The following GALNTL6 variants were observed in gnomAD, a reference collection of about 807,000 sequenced individuals.
GALNTL6 encodes the protein polypeptide N-acetylgalactosaminyltransferase-like 6.
In GALNTL6, 46 loss-of-function variants were observed where a neutral mutation model predicts 73.7. The ratio of observed to expected loss-of-function variants is 0.62; its 90% CI spans 0.49 to 0.80. The LOEUF is 0.80. Among genes scored for constraint, GALNTL6 ranks in the 30% least tolerant of loss-of-function variants. GALNTL6 has a pLI of 0.00. For missense variants in GALNTL6, 604 were observed against 755.0 expected, an observed-to-expected ratio of 0.80 and a Z score of 2.34; for synonymous variants, 259 against 263.7, an observed-to-expected ratio of 0.98 and a Z score of 0.17.
chr4:172,729,956 T>C (rs1409973615), intron 5 of GALNTL6, among the ~76,000 whole-genome samples: 1 of 152,138 alleles, frequency 6.6e-6, no homozygotes, highest in African/African-American at 2.4e-5. Flanking sequence ...CTTCTTTGGT[T>C]AGATTGGTTC....
chr4:172,557,986 A>G (rs6846178), intron 5 of GALNTL6, among the ~76,000 whole-genome samples: 6,458 of 152,252 alleles, frequency 0.042, 438 homozygotes, highest in African/African-American at 0.14. Context: ...CAAACTGGAA[A>G]CAACCCAAAT....
chr4:172,619,111 C>CT (rs546136225), intron 5 of GALNTL6, among the ~76,000 whole-genome samples: 239 of 151,954 alleles, frequency 1.6e-3, no homozygotes, highest in African/African-American at 3.8e-3. Context: ...GGAGAAGAGT[C>CT]TTTTTTTTAT....
chr4:172,085,914 T>A (rs1259095911), intron 2 of GALNTL6, among the ~76,000 whole-genome samples: 1 of 152,162 alleles, frequency 6.6e-6, no homozygotes, highest in Non-Finnish European at 1.5e-5. Flanking sequence ...CACTCAAATA[T>A]CTAGATTAGT....
At chr4:171,880,129 C>T (rs1736397582) in intron 2 of GALNTL6, among the ~76,000 whole-genome samples, 3 of 152,146 alleles carry the variant, frequency 2.0e-5, no homozygotes, top group African/African-American at 7.2e-5. Context: ...TTCCATGTTT[C>T]ATTTATTTTA....
At chr4:172,800,337 A>G (rs1391667853) in intron 5 of GALNTL6, among the ~76,000 whole-genome samples, 3 of 152,148 alleles carry the variant, frequency 2.0e-5, no homozygotes, top group Non-Finnish European at 4.4e-5. Flanking sequence ...TAAGTTAGAG[A>G]TTTGTTCTCC....
chr4:171,865,805 C>T (rs114680417), intron 2 of GALNTL6, among the ~76,000 whole-genome samples: 55 of 152,266 alleles, frequency 3.6e-4, no homozygotes, highest in African/African-American at 1.3e-3. Flanking sequence ...AATGAATGCC[C>T]TTGCTGAAAT....
chr4:172,592,654 A>ACCTG (rs1184880402), intron 5 of GALNTL6, among the ~76,000 whole-genome samples: 1 of 136,848 alleles, frequency 7.3e-6, no homozygotes, highest in Non-Finnish European at 1.6e-5. Flanking sequence ...TCAAATCTAT[A>ACCTG]TCTGTCTGTC....
chr4:172,101,934 G>C (rs888378336), intron 2 of GALNTL6, among the ~76,000 whole-genome samples: 2 of 151,916 alleles, frequency 1.3e-5, no homozygotes, highest in African/African-American at 4.8e-5. Flanking sequence ...AAAAAGAATA[G>C]ACAATACTGA....
intron 5 of GALNTL6, among the ~76,000 whole-genome samples, chr4:172,677,146 AT>A (rs1292375727): frequency 1.3e-5 from 2 of 152,190 alleles, no homozygotes; most frequent in Non-Finnish European, 1.5e-5. Flanking sequence ...CTAAAAAAAA[AT>A]AAACCTCCAA....
intron 3 of GALNTL6, among the ~76,000 whole-genome samples, chr4:172,242,105 T>G (rs1414698898): frequency 6.6e-6 from 1 of 152,182 alleles, no homozygotes; most frequent in Non-Finnish European, 1.5e-5. Flanking sequence ...GTATAATTTT[T>G]TTTTAAGTAA....
At chr4:172,959,654 T>A (rs1749939076) in intron 10 of GALNTL6, among the ~76,000 whole-genome samples, 1 of 151,706 alleles carries the variant, frequency 6.6e-6, no homozygotes, top group Admixed American at 6.6e-5. Context: ...GCTGAGAAGA[T>A]CTGGGAAGGA....
intron 2 of GALNTL6, among the ~76,000 whole-genome samples, chr4:171,936,686 A>C (rs1738358807): frequency 6.6e-6 from 1 of 152,152 alleles, no homozygotes; most frequent in Non-Finnish European, 1.5e-5. Flanking sequence ...ATGACACAAG[A>C]TATTTAAAAA....
At chr4:172,026,646 T>C (rs922389528) in intron 2 of GALNTL6, among the ~76,000 whole-genome samples, 1 of 152,174 alleles carries the variant, frequency 6.6e-6, no homozygotes, top group African/African-American at 2.4e-5. Flanking sequence ...TGCATTGTAA[T>C]ACACATTAGG....
intron 7 of GALNTL6, among the ~76,000 whole-genome samples, chr4:172,875,399 C>G (rs533233302): frequency 6.6e-6 from 1 of 152,190 alleles, no homozygotes; most frequent in South Asian, 2.1e-4. Context: ...TAAAAAGGAA[C>G]CCAAATCTAT....
At chr4:172,209,372 C>T (rs1368074667) in intron 2 of GALNTL6, among the ~76,000 whole-genome samples, 1 of 151,132 alleles carries the variant, frequency 6.6e-6, no homozygotes, top group Non-Finnish European at 1.5e-5. Context: ...TGTATTATAA[C>T]CTAAGACTCT....
At chr4:172,292,013 CTG>C (rs1162359635) in intron 3 of GALNTL6, among the ~76,000 whole-genome samples, 1 of 152,082 alleles carries the variant, frequency 6.6e-6, no homozygotes, top group Non-Finnish European at 1.5e-5. Context: ...ACCAAATTAT[CTG>C]TTCAAGTTCA....
Position 172,749,276 on chromosome 4 carries a change from T to G in GALNTL6, c.554-60085T>G, listed in dbSNP as rs182996815. Among the ~76,000 whole-genome samples, 254 of 152,252 alleles carry G rather than the reference T, an allele frequency of 1.7e-3. 1 individual carries two copies. Among genetic ancestry groups the G allele is most frequent in the African/African-American group, 5.9e-3 (247 of 41,548 alleles). On this transcript the variant is annotated intron_variant, in intron 5 of 12. Transcript: ENST00000506823. ...TGGTCTATCCTCCATACCTACGATA[T>G]CCTTATACACCCCTAATCTTGATAG... is the stretch of plus-strand genomic sequence containing the variant.
At chr4:172,411,034 C>T (rs1251006258) in intron 5 of GALNTL6, among the ~76,000 whole-genome samples, 3 of 152,046 alleles carry the variant, frequency 2.0e-5, no homozygotes, top group South Asian at 2.1e-4. Context: ...TATGTACATT[C>T]GTAAAATAAT....
chr4:172,342,952 C>T (rs1052107298), intron 4 of GALNTL6, among the ~76,000 whole-genome samples: 1 of 152,166 alleles, frequency 6.6e-6, no homozygotes, highest in Non-Finnish European at 1.5e-5. Flanking sequence ...ATATCTACCA[C>T]AATGATTGAC....
Sources: allele counts gnomAD v4.1 joint callset (sites outside exome capture counted in the v4.1 genomes callset), GRCh38; gene constraint gnomAD v4.1.1; transcripts MANE v1.5; gene names NCBI Gene and HGNC (gene_info 2026-07-23, HGNC 2026-07-21).